Variants in TTLL5 observed in about 807,000 individuals in gnomAD.
The protein encoded by TTLL5 is tubulin polyglutamylase TTLL5.
Under a neutral mutation model 168.4 loss-of-function variants are expected in TTLL5, and 132 were observed. That is an observed-to-expected ratio of 0.78 (90% CI 0.68 to 0.91). The LOEUF (loss-of-function observed/expected upper bound fraction) is 0.91. TTLL5 is among the 40% of genes least tolerant of loss of function. The pLI is 0.00. For missense variants in TTLL5, 1,545 were observed against 1,581.5 expected (o/e 0.98, Z 0.39); for synonymous variants, 546 against 558.6 (o/e 0.98, Z 0.32).
chr14:75,795,395 C>T (rs1892946170), intron 27 of TTLL5, among the ~76,000 whole-genome samples: 1 of 152,088 alleles, frequency 6.6e-6, no homozygotes, highest in Non-Finnish European at 1.5e-5. Flanking sequence ...ATTGTGGGTA[C>T]ATAGGTGTAT....
In TTLL5 at chr14:75,707,085, A is replaced by G. The variant is rs1886710162; in HGVS notation, c.653A>G (p.Asp218Gly). Reference protein sequence around the residue: ...SRYINNPLLIDDFKFDVRLYV... With the variant: ...SRYINNPLLIGDFKFDVRLYV... ...TACATTAACAACCCCCTGCTCATAG[A>G]TGGTGAGTTGTGATTAGGCCCTTGA... is the stretch of plus-strand genomic sequence containing the variant. Residue 218 changes from aspartate (D) to glycine (G), a missense_variant and splice_region_variant, in exon 8 of 32, where the codon GAT (aspartate) becomes GGT (glycine). Physicochemically the swap from Asp to Gly is moderately conservative, Grantham distance 94 (BLOSUM62 -1). Transcript: ENST00000298832. The G allele has an allele frequency of 1.2e-6, 2 of 1,612,176 alleles. No homozygotes were observed. The highest frequency in any genetic ancestry group is 8.5e-7 in the Non-Finnish European group (1 of 1,178,794).
At chr14:75,930,477 A>G in intron 31 of TTLL5, 1 of 580,834 alleles carries the variant, frequency 1.7e-6, no homozygotes, top group Non-Finnish European at 2.2e-6. Flanking sequence ...AGTAAGTATA[A>G]TGCAAATATT....
chr14:75,895,150 C>G (rs981700923), intron 30 of TTLL5, among the ~76,000 whole-genome samples: 1 of 152,114 alleles, frequency 6.6e-6, no homozygotes, highest in Admixed American at 6.5e-5. Context: ...AGGGGTATGT[C>G]ATGGGCGAAA....
At chr14:75,799,176 T>C (rs1893149797) in intron 27 of TTLL5, among the ~76,000 whole-genome samples, 1 of 152,190 alleles carries the variant, frequency 6.6e-6, no homozygotes, top group South Asian at 2.1e-4. Flanking sequence ...TTTAGGATTG[T>C]GATATTTTCC....
At chr14:75,883,113 C>T (rs556551771) in intron 30 of TTLL5, among the ~76,000 whole-genome samples, 23 of 152,342 alleles carry the variant, frequency 1.5e-4, no homozygotes, top group African/African-American at 5.3e-4. Flanking sequence ...GGGCTTTACC[C>T]TGTGGGAGGG....
intron 27 of TTLL5, among the ~76,000 whole-genome samples, chr14:75,807,254 C>G (rs1416097802): frequency 6.6e-6 from 1 of 152,108 alleles, no homozygotes; most frequent in Non-Finnish European, 1.5e-5. Context: ...TCTAGGCCAG[C>G]CTGGGGAACA....
chr14:75,753,800 G>C (rs2140276117), intron 18 of TTLL5, among the ~76,000 whole-genome samples: 1 of 152,184 alleles, frequency 6.6e-6, no homozygotes, highest in Non-Finnish European at 1.5e-5. Flanking sequence ...TAAAACCTGT[G>C]GGTTTTTCCT....
intron 28 of TTLL5, among the ~76,000 whole-genome samples, chr14:75,841,940 A>T (rs1428579189): frequency 6.6e-6 from 1 of 152,188 alleles, no homozygotes; most frequent in Non-Finnish European, 1.5e-5. Context: ...CAGTCTGTTC[A>T]TATAAACTGA....
intron 30 of TTLL5, among the ~76,000 whole-genome samples, chr14:75,885,710 T>C (rs1179488269): frequency 6.6e-6 from 1 of 152,250 alleles, no homozygotes; most frequent in Non-Finnish European, 1.5e-5. Flanking sequence ...ATATTCTCAC[T>C]GTTCTGTAGT....
intron 27 of TTLL5, among the ~76,000 whole-genome samples, chr14:75,811,168 T>A (rs1401332131): frequency 0.014 from 1,954 of 136,944 alleles, 71 homozygotes; most frequent in African/African-American, 0.045. Context: ...TGTGTGTGTG[T>A]GTGTGTGTGT....
intron 31 of TTLL5, among the ~76,000 whole-genome samples, chr14:75,912,710 A>G (rs974576945): frequency 1.9e-4 from 29 of 152,336 alleles, no homozygotes; most frequent in Non-Finnish European, 3.5e-4. Context: ...TTGGTTCTAA[A>G]GGAAGTATTT....
intron 31 of TTLL5, among the ~76,000 whole-genome samples, chr14:75,928,016 A>G (rs760771141): frequency 2.2e-4 from 34 of 151,768 alleles, no homozygotes; most frequent in Admixed American, 3.3e-4. Context: ...TGGCCTTTGA[A>G]AGGTGATTCT....
At chr14:75,758,863 A>G (rs1037148099) in intron 18 of TTLL5, among the ~76,000 whole-genome samples, 2 of 152,202 alleles carry the variant, frequency 1.3e-5, no homozygotes, top group African/African-American at 4.8e-5. Context: ...ATGTCAAGAT[A>G]TGTACGCTAC....
At chr14:75,788,113 C>T (rs2140341127) in intron 26 of TTLL5, among the ~76,000 whole-genome samples, 1 of 152,020 alleles carries the variant, frequency 6.6e-6, no homozygotes, top group East Asian at 1.9e-4. Context: ...TAGCGAGATC[C>T]CATCTCTAAA....
intron 28 of TTLL5, among the ~76,000 whole-genome samples, chr14:75,858,468 A>G (rs534012523): frequency 9.8e-5 from 15 of 152,354 alleles, no homozygotes; most frequent in African/African-American, 2.2e-4. Context: ...ACATAAAGCA[A>G]TTCGGCTGCT....
At chr14:75,720,793 A>G (rs1887785927) in intron 12 of TTLL5, 90 bp downstream of exon 12, 9 of 1,050,916 alleles carry the variant, frequency 8.6e-6, no homozygotes, top group South Asian at 6.4e-5. Flanking sequence ...TAGTGATTCT[A>G]TAGCAGTAAG....
intron 26 of TTLL5, 139 bp downstream of exon 26, chr14:75,783,669 T>A: frequency 8.2e-7 from 1 of 1,220,300 alleles, no homozygotes; most frequent in Non-Finnish European, 1.1e-6. Context: ...CTGACGTGAC[T>A]AAAGAAGACT....
intron 31 of TTLL5, among the ~76,000 whole-genome samples, chr14:75,943,478 A>G (rs1034471739): frequency 3.0e-4 from 46 of 152,302 alleles, no homozygotes; most frequent in African/African-American, 1.1e-3. Flanking sequence ...CTGGTAATTT[A>G]TAACCACAAG....
At chr14:75,797,824 C>T (rs1400061804) in intron 27 of TTLL5, among the ~76,000 whole-genome samples, 1 of 151,776 alleles carries the variant, frequency 6.6e-6, no homozygotes, top group African/African-American at 2.4e-5. Context: ...GTGGCAGAAA[C>T]TGCAATTACT....
Sources: gnomAD v4.1 joint callset for allele counts (sites outside exome capture counted in the v4.1 genomes callset) on GRCh38, gnomAD v4.1.1 for gene constraint, MANE v1.5 for transcripts, NCBI Gene and HGNC (gene_info 2026-07-23, HGNC 2026-07-21) for gene names.